PARD3B: variants seen among roughly 807,000 people sequenced by gnomAD.
PARD3B encodes the protein partitioning defective 3 homolog B.
A neutral mutation model predicts 130.2 loss-of-function variants in PARD3B; 103 were observed. The ratio of observed to expected loss-of-function variants is 0.79; its 90% CI spans 0.67 to 0.93. The LOEUF is 0.93. Ranked by LOEUF, PARD3B falls within the 40% of genes least tolerant of loss-of-function variation. The pLI, the probability that PARD3B is intolerant of heterozygous loss-of-function variation, is 0.00. For missense variants in PARD3B, 1,609 were observed against 1,499.2 expected (o/e 1.07, Z -1.21); for synonymous variants, 583 against 553.2 (o/e 1.05, Z -0.76).
At chr2:204,546,386 C>T (rs1314366443) in intron 1 of PARD3B, among the ~76,000 whole-genome samples, 1 of 152,098 alleles carries the variant, frequency 6.6e-6, no homozygotes, top group Admixed American at 6.5e-5. Flanking sequence ...TTCTCCAAAC[C>T]CACCGACTCA....
intron 15 of PARD3B, among the ~76,000 whole-genome samples, chr2:205,207,532 G>T (rs1314683553): frequency 7.1e-6 from 1 of 141,446 alleles, no homozygotes; most frequent in Non-Finnish European, 1.5e-5. Flanking sequence ...ATGATAAAGG[G>T]GATATCACCA....
At position 205,615,766 on chromosome 2, in the gene PARD3B, C is replaced by T. The variant is rs369479149; in HGVS notation, c.3571C>T (p.Arg1191Ter). Reference sequence around the variant, plus strand: ...GGGCAGCCCAGACCAGTACCCTTACCGAACCCAGGATTCCCGGCAGAAGAA... The same window carrying T: ...GGGCAGCCCAGACCAGTACCCTTACTGAACCCAGGATTCCCGGCAGAAGAA... ...RGGSPDQYPY[R>*]TQDSRQKNPM... The change falls in exon 23 of 23, where the codon CGA (arginine) becomes TGA (stop). Residue 1191 changes from arginine to a stop codon, truncating the protein, a stop_gained. Transcript: ENST00000406610. LOFTEE classifies it high-confidence loss of function. 2.0e-5 allele frequency: 33 copies of T among 1,613,852 alleles called. No homozygotes were observed. The highest frequency in any genetic ancestry group is 1.1e-4 in the African/African-American group (8 of 74,902).
Position 204,545,553 on chromosome 2 carries a change from G to GCGCCGCCGC in PARD3B, c.-436_-428dup, listed in dbSNP as rs906253901. ...AGTTTCCTCCCAACTCTGGCCCCGT[G>GCGCCGCCGC]CGCCGCCGCCGCCGCCGCCCACTCC... is the stretch of plus-strand genomic sequence containing the variant. On this transcript the variant is annotated 5_prime_UTR_variant, in exon 1 of 23. Transcript: ENST00000406610. Among the ~76,000 whole-genome samples, 3 of 151,950 alleles carry GCGCCGCCGC rather than the reference G, an allele frequency of 2.0e-5. No individual in the cohort carries two copies. The highest frequency in any genetic ancestry group is 2.9e-5 in the Non-Finnish European group (2 of 67,956).
intron 19 of PARD3B, among the ~76,000 whole-genome samples, chr2:205,433,840 T>G (rs1370269774): frequency 6.6e-6 from 1 of 152,218 alleles, no homozygotes; most frequent in Admixed American, 6.5e-5. Flanking sequence ...GTAGTTTATT[T>G]CTTGTTATTG....
At chr2:205,437,091 T>A (rs1156441943) in intron 19 of PARD3B, among the ~76,000 whole-genome samples, 1 of 152,100 alleles carries the variant, frequency 6.6e-6, no homozygotes, top group Non-Finnish European at 1.5e-5. Context: ...TTATTTTCAG[T>A]GAAATGTATA....
intron 2 of PARD3B, among the ~76,000 whole-genome samples, chr2:204,717,688 G>C (rs1377476141): frequency 6.6e-6 from 1 of 152,268 alleles, no homozygotes; most frequent in Admixed American, 6.5e-5. Context: ...AAGGCAGGTG[G>C]CTGGGTAGTC....
chr2:205,602,718 CT>C (rs1447439753), intron 22 of PARD3B, among the ~76,000 whole-genome samples: 5 of 152,256 alleles, frequency 3.3e-5, no homozygotes, highest in African/African-American at 1.2e-4. Context: ...GTGTTATCCC[CT>C]TTATCATTTT....
intron 20 of PARD3B, among the ~76,000 whole-genome samples, chr2:205,462,725 G>T (rs996564114): frequency 1.2e-4 from 18 of 152,114 alleles, no homozygotes; most frequent in Admixed American, 1.0e-3. Flanking sequence ...AAAAGAAGAA[G>T]ACAGATGACC....
rs1330862772 is a variant in PARD3B, at chr2:205,276,646, C to A, written c.2186-23884C>A. ...GTCAGAGAAGCTCCAAAGTGGCTTG[C>A]AGCGCTTTATCAGCCGACATTTACA... On this transcript the variant is annotated intron_variant, in intron 16 of 22. Coordinates refer to ENST00000406610, the MANE Select transcript of PARD3B (RefSeq NM_001302769.2). This position sits in a 1 kb window ranked among gnomAD's most constrained non-coding sequence, Gnocchi z 5.0. Among the ~76,000 whole-genome samples the A allele has an allele frequency of 6.6e-6, 1 of 152,126 alleles. No individual in the cohort carries two copies. The highest frequency in any genetic ancestry group is 1.5e-5 in the Non-Finnish European group (1 of 68,032).
intron 2 of PARD3B, among the ~76,000 whole-genome samples, chr2:204,737,818 A>G (rs1309341833): frequency 2.6e-5 from 4 of 152,148 alleles, no homozygotes; most frequent in East Asian, 1.9e-4. Flanking sequence ...CATTTAATAC[A>G]TAGGATGTCC....
In PARD3B at chr2:204,799,208, G is replaced by A. The variant is rs1263121649; in HGVS notation, c.222+112926G>A. Reference sequence around the variant, plus strand: ...GCTGCCTGAAAAGCCCATGGGCCTCGAGGGAACATCTGCAGTAGCCAGGCA... The same window carrying A: ...GCTGCCTGAAAAGCCCATGGGCCTCAAGGGAACATCTGCAGTAGCCAGGCA... On this transcript the variant is annotated intron_variant, in intron 2 of 22. Coordinates refer to ENST00000406610, the MANE Select transcript of PARD3B (RefSeq NM_001302769.2). The surrounding 1 kb of genome is among the most constrained non-coding windows in gnomAD (Gnocchi z 4.1). Among the ~76,000 whole-genome samples the A allele has an allele frequency of 6.6e-6, 1 of 152,096 alleles. No individual in the cohort carries two copies.
intron 2 of PARD3B, among the ~76,000 whole-genome samples, chr2:204,865,299 A>G (rs2045364651): frequency 6.6e-6 from 1 of 152,248 alleles, no homozygotes; most frequent in Admixed American, 6.5e-5. Flanking sequence ...AAGTCATTAT[A>G]CAAAAAAGAT....
chr2:205,521,759 T>C (rs572117338), intron 21 of PARD3B, among the ~76,000 whole-genome samples: 2 of 152,256 alleles, frequency 1.3e-5, no homozygotes, highest in East Asian at 3.9e-4. Flanking sequence ...TTTTTTTGTT[T>C]GTTTGTTTCT....
intron 1 of PARD3B, among the ~76,000 whole-genome samples, chr2:204,613,363 C>T (rs775521427): frequency 3.3e-5 from 5 of 152,102 alleles, no homozygotes; most frequent in Non-Finnish European, 5.9e-5. Flanking sequence ...TTTTCCGCCT[C>T]CAGTTCTTTG....
At chr2:205,358,255 G>T (rs897538213) in intron 18 of PARD3B, among the ~76,000 whole-genome samples, 4 of 152,116 alleles carry the variant, frequency 2.6e-5, no homozygotes, top group African/African-American at 9.7e-5. Flanking sequence ...TGGATCTTCT[G>T]CATCTCTTAT....
chr2:205,607,678 T>C (rs1482470604), intron 22 of PARD3B, among the ~76,000 whole-genome samples: 1 of 152,168 alleles, frequency 6.6e-6, no homozygotes, highest in Non-Finnish European at 1.5e-5. Context: ...AACCCAATGT[T>C]TGAAGCTGGT....
At chr2:205,396,769 G>A (rs1354900790) in intron 18 of PARD3B, among the ~76,000 whole-genome samples, 1 of 152,114 alleles carries the variant, frequency 6.6e-6, no homozygotes. Context: ...AAATTTCTAA[G>A]GTAACAGATA....
intron 2 of PARD3B, among the ~76,000 whole-genome samples, chr2:204,774,731 C>T (rs1275556913): frequency 6.6e-6 from 1 of 151,996 alleles, no homozygotes; most frequent in Non-Finnish European, 1.5e-5. Context: ...TTGCATAAGC[C>T]CTACTATGAA....
intron 1 of PARD3B, among the ~76,000 whole-genome samples, chr2:204,593,033 G>A (rs1419452554): frequency 6.6e-6 from 1 of 152,072 alleles, no homozygotes; most frequent in East Asian, 1.9e-4. Context: ...ATCTATTGGG[G>A]GACATTTGGA....
Sources: gnomAD v4.1 joint callset for allele counts (sites outside exome capture counted in the v4.1 genomes callset) on GRCh38, gnomAD v4.1.1 for gene constraint, Gnocchi (gnomAD v3.1) non-coding constraint, MANE v1.5 for transcripts, NCBI Gene and HGNC (gene_info 2026-07-23, HGNC 2026-07-21) for gene names.